SLC25A21: variants seen among roughly 807,000 people sequenced by gnomAD.
SLC25A21 encodes solute carrier family 25 member 21.
In SLC25A21, 47 loss-of-function variants were observed where a neutral mutation model predicts 43.8. The observed-to-expected ratio is 1.07, with a 90% CI of 0.85 to 1.37. SLC25A21 has a LOEUF of 1.37. SLC25A21 is among the 40% of genes most tolerant of loss of function. The pLI is 0.00. For missense variants in SLC25A21, 352 were observed against 350.2 expected (o/e 1.00, Z -0.04); for synonymous variants, 131 against 121.3 (o/e 1.08, Z -0.52).
At chr14:37,156,385 C>T (rs1313323085) in intron 1 of SLC25A21, among the ~76,000 whole-genome samples, 1 of 151,756 alleles carries the variant, frequency 6.6e-6, no homozygotes, top group East Asian at 1.9e-4. Context: ...AAACAGAAAA[C>T]AATTAATATG....
intron 1 of SLC25A21, among the ~76,000 whole-genome samples, chr14:36,949,097 T>C (rs907422274): frequency 6.6e-6 from 1 of 152,158 alleles, no homozygotes; most frequent in African/African-American, 2.4e-5. Flanking sequence ...AGAATTAGAA[T>C]TGGATTCTCT....
intron 2 of SLC25A21, among the ~76,000 whole-genome samples, chr14:36,822,044 A>T (rs115907777): frequency 0.014 from 2,091 of 152,238 alleles, 55 homozygotes; most frequent in African/African-American, 0.048. Flanking sequence ...GATGAATAAC[A>T]CCCAGGTCCT....
intron 2 of SLC25A21, among the ~76,000 whole-genome samples, chr14:36,872,678 G>T (rs1418285266): frequency 2.0e-5 from 3 of 152,152 alleles, no homozygotes; most frequent in Non-Finnish European, 2.9e-5. Flanking sequence ...CTCCTTCGGA[G>T]CACCTGGAAG....
Position 36,711,426 on chromosome 14 carries a change from G to C in SLC25A21, c.495C>G (p.Leu165=), listed in dbSNP as rs1189657426. Residue 165 remains leucine, a synonymous_variant, in exon 7 of 10, where the codon CTC becomes CTG. Transcript: ENST00000331299. ...CAGTTAATCCTTTGTTGAGGCCCTG[G>C]AGTCCCCAGCCTTCCTTCTTAATGA... ...RQIIKKEGWG[L]QGLNKGLTAT... The C allele has an allele frequency of 3.1e-6, 5 of 1,613,952 alleles. No homozygotes were observed. In the African/African-American group the frequency reaches 5.3e-5, roughly 17 times the overall value.
At chr14:36,965,778 C>T (rs1474511937) in intron 1 of SLC25A21, among the ~76,000 whole-genome samples, 1 of 152,064 alleles carries the variant, frequency 6.6e-6, no homozygotes. Context: ...AAATCACAGT[C>T]CATAAGAGAG....
chr14:36,719,880 C>T (rs1431014414), intron 6 of SLC25A21, among the ~76,000 whole-genome samples: 2 of 152,148 alleles, frequency 1.3e-5, no homozygotes, highest in Non-Finnish European at 1.5e-5. Context: ...GCAGCTGGAG[C>T]GTGCACAGTA....
At chr14:37,020,486 T>G (rs888103668) in intron 1 of SLC25A21, among the ~76,000 whole-genome samples, 1 of 151,756 alleles carries the variant, frequency 6.6e-6, no homozygotes, top group African/African-American at 2.4e-5. Flanking sequence ...TGTGACCTGA[T>G]TTGACTCCAA....
chr14:37,005,093 C>T (rs2138730216), intron 1 of SLC25A21, among the ~76,000 whole-genome samples: 1 of 152,070 alleles, frequency 6.6e-6, no homozygotes, highest in South Asian at 2.1e-4. Flanking sequence ...ATCGAATCCC[C>T]TAAGGATACT....
chr14:37,105,099 A>G (rs1030858542), intron 1 of SLC25A21, among the ~76,000 whole-genome samples: 2 of 152,190 alleles, frequency 1.3e-5, no homozygotes, highest in East Asian at 3.9e-4. Flanking sequence ...CTAGATCATA[A>G]TATTAGAATT....
At chr14:36,729,458 C>T in intron 5 of SLC25A21, 49 bp downstream of exon 5, 1 of 1,392,538 alleles carries the variant, frequency 7.2e-7, no homozygotes, top group Non-Finnish European at 9.7e-7. Flanking sequence ...CTAGATTTTG[C>T]TTTATGAAAT....
At chr14:36,937,584 C>A (rs1180903589) in intron 1 of SLC25A21, among the ~76,000 whole-genome samples, 1 of 152,176 alleles carries the variant, frequency 6.6e-6, no homozygotes, top group East Asian at 1.9e-4. Flanking sequence ...GATGATGGAA[C>A]TACGGTGGTT....
At chr14:36,759,350 G>GA (rs1886054602) in intron 3 of SLC25A21, among the ~76,000 whole-genome samples, 1 of 151,956 alleles carries the variant, frequency 6.6e-6, no homozygotes, top group Non-Finnish European at 1.5e-5. Flanking sequence ...GTTTCCTTCT[G>GA]AAAAAAACAG....
intron 3 of SLC25A21, among the ~76,000 whole-genome samples, chr14:36,793,428 G>GT (rs1566619228): frequency 6.6e-6 from 1 of 151,850 alleles, no homozygotes; most frequent in African/African-American, 2.4e-5. Context: ...CTGAGGAAAT[G>GT]TGGGGAGGAA....
chr14:36,781,129 A>T (rs1047228278), intron 3 of SLC25A21, among the ~76,000 whole-genome samples: 4 of 152,148 alleles, frequency 2.6e-5, no homozygotes, highest in Admixed American at 2.6e-4. Context: ...TTGCCTGTAT[A>T]AGGATAGCCA....
chr14:36,678,974 AC>A lies in SLC25A21; in HGVS notation c.*1683del, dbSNP rs1882048191. On this transcript the variant is annotated 3_prime_UTR_variant, in exon 10 of 10. Transcript: ENST00000331299. The stretch of plus-strand genomic sequence containing the variant: ...TAAAGATTATTATTGGTTAATGTTG[AC>A]ATATTTCCTCTATCTCATAGATGGT... 7 of 981,986 alleles carry A rather than the reference AC, an allele frequency of 7.1e-6. No individual in the cohort carries two copies. The highest frequency in any genetic ancestry group is 1.1e-4 in the East Asian group (1 of 8,764). The allele number at this position is 981,986 out of a possible 1,614,324, so 60.8% of individuals were successfully genotyped here.
intron 1 of SLC25A21, among the ~76,000 whole-genome samples, chr14:37,046,482 ATATAT>A (rs1393131897): frequency 6.6e-6 from 1 of 152,190 alleles, no homozygotes; most frequent in Non-Finnish European, 1.5e-5. Context: ...ATCTCTCAAT[ATATAT>A]GTATTTAGAA....
At chr14:36,725,768 T>C in intron 5 of SLC25A21, 91 bp from the exon 6 acceptor site, 2 of 721,096 alleles carry the variant, frequency 2.8e-6, no homozygotes, top group Non-Finnish European at 4.1e-6. Context: ...AGCTGAACGT[T>C]ATAAAGAGAA....
intron 1 of SLC25A21, among the ~76,000 whole-genome samples, chr14:36,896,570 TC>T (rs1891245923): frequency 6.6e-6 from 1 of 152,190 alleles, no homozygotes; most frequent in African/African-American, 2.4e-5. Flanking sequence ...GTGAGTTTCA[TC>T]CATGTCATTA....
chr14:37,049,983 T>C (rs1961670685), intron 1 of SLC25A21, among the ~76,000 whole-genome samples: 1 of 152,214 alleles, frequency 6.6e-6, no homozygotes, highest in African/African-American at 2.4e-5. Flanking sequence ...TATATACATG[T>C]GTACCTGTGA....
Sources: gnomAD v4.1 joint callset for allele counts (sites outside exome capture counted in the v4.1 genomes callset) on GRCh38, gnomAD v4.1.1 for gene constraint, MANE v1.5 for transcripts, NCBI Gene and HGNC (gene_info 2026-07-23, HGNC 2026-07-21) for gene names.